The following MLLT3 variants were observed in gnomAD, a reference collection of about 807,000 sequenced individuals.
MLLT3 encodes protein AF-9.
In MLLT3, 4 loss-of-function variants were observed where a neutral mutation model predicts 53.2. That is an observed-to-expected ratio of 0.08 (90% CI 0.04 to 0.17). MLLT3 has a LOEUF of 0.17. MLLT3 is among the 10% of genes least tolerant of loss of function. The pLI, the probability that MLLT3 is intolerant of heterozygous loss-of-function variation, is 1.00. For synonymous variants in MLLT3, 283 were observed against 230.6 expected, an observed-to-expected ratio of 1.23 and a Z score of -2.06; for missense variants, 569 against 684.0, an observed-to-expected ratio of 0.83 and a Z score of 1.87.
chr9:20,574,281 C>A (rs1222035722), intron 2 of MLLT3, among the ~76,000 whole-genome samples: 1 of 152,120 alleles, frequency 6.6e-6, no homozygotes, highest in African/African-American at 2.4e-5. Context: ...AAGAATGAAT[C>A]ATGTTCAAAG....
chr9:20,558,539 G>A (rs1439400030), intron 2 of MLLT3, among the ~76,000 whole-genome samples: 1 of 152,040 alleles, frequency 6.6e-6, no homozygotes, highest in Non-Finnish European at 1.5e-5. Context: ...CACATCCTCA[G>A]CTGCCAAGTT....
intron 8 of MLLT3, among the ~76,000 whole-genome samples, chr9:20,357,817 A>G (rs201350772): frequency 3.3e-5 from 5 of 152,098 alleles, no homozygotes; most frequent in African/African-American, 1.2e-4. Flanking sequence ...ATTCATAGAG[A>G]GAGAACAGGC....
At chr9:20,563,401 G>T (rs951047895) in intron 2 of MLLT3, among the ~76,000 whole-genome samples, 1 of 152,004 alleles carries the variant, frequency 6.6e-6, no homozygotes, top group Non-Finnish European at 1.5e-5. Flanking sequence ...GTAGGGAGGG[G>T]TGTCATATAT....
intron 2 of MLLT3, among the ~76,000 whole-genome samples, chr9:20,607,842 C>T (rs1262920733): frequency 2.0e-5 from 3 of 151,914 alleles, no homozygotes. Context: ...TAAAATTAAC[C>T]TCCTCATTTT....
rs370610465 is a variant in MLLT3, at chr9:20,471,640, A to G, written c.194-14854T>C. Among the ~76,000 whole-genome samples the G allele has an allele frequency of 1.3e-4, 20 of 152,188 alleles. No homozygotes were observed. The East Asian group carries it at 3.1e-3, about 23-fold the overall frequency. ...CAAATTCAATGTAACACATTATTTTATGAGAAACTTGATTTGTAAATGCTA... is the reference window on the plus strand; with the variant it reads ...CAAATTCAATGTAACACATTATTTTGTGAGAAACTTGATTTGTAAATGCTA... On this transcript the variant is annotated intron_variant, in intron 2 of 10. Transcript: ENST00000380338.
At chr9:20,498,529 T>C (rs1308648805) in intron 2 of MLLT3, among the ~76,000 whole-genome samples, 5 of 152,204 alleles carry the variant, frequency 3.3e-5, no homozygotes, top group African/African-American at 4.8e-5. Context: ...TAGATCAAGC[T>C]TGTCCAACCC....
chr9:20,399,442 G>C (rs1822401011), intron 5 of MLLT3, among the ~76,000 whole-genome samples: 1 of 152,104 alleles, frequency 6.6e-6, no homozygotes, highest in Admixed American at 6.6e-5. Flanking sequence ...CCTCAAAATA[G>C]TCCACTGGTC....
chr9:20,466,308 G>T (rs1179158428), intron 2 of MLLT3, among the ~76,000 whole-genome samples: 1 of 152,072 alleles, frequency 6.6e-6, no homozygotes, highest in African/African-American at 2.4e-5. Flanking sequence ...GAGCCATTTT[G>T]GATTTCCGAT....
rs181698684 is a variant in MLLT3 at position 20,383,324 on chromosome 9, T to C, written c.1126-17580A>G. On this transcript the variant is annotated intron_variant, in intron 5 of 10. Coordinates refer to ENST00000380338, the MANE Select transcript of MLLT3 (RefSeq NM_004529.4). ...TTTACTTTTGACATGAACTTTGCAT[T>C]TTAATCTTAATGTCAAATATTTTGA... Among the ~76,000 whole-genome samples, 5 of 152,080 alleles carry C rather than the reference T, an allele frequency of 3.3e-5. No individual in the cohort carries two copies. In the East Asian group the frequency reaches 7.7e-4, roughly 23 times the overall value.
At chr9:20,431,155 T>C (rs1010198211) in intron 4 of MLLT3, among the ~76,000 whole-genome samples, 1 of 152,136 alleles carries the variant, frequency 6.6e-6, no homozygotes, top group Non-Finnish European at 1.5e-5. Flanking sequence ...CAAGGCTAAA[T>C]AGGTGACTGC....
rs1822788015 is a variant in MLLT3 at position 20,413,712 on chromosome 9, A to C, written c.1125+9T>G. 1.3e-6 allele frequency: 2 copies of C among 1,563,308 alleles called. No individual in the cohort carries two copies. The highest frequency in any genetic ancestry group is 1.7e-6 in the Non-Finnish European group (2 of 1,159,812). ...AGGGAAAGGAAGAAAGCCAGTAAGA[A>C]CTACTCACATCAGATTTAGAGGATA... is the stretch of plus-strand genomic sequence containing the variant. On this transcript the variant is annotated intron_variant, in intron 5 of 10. Coordinates refer to ENST00000380338, the MANE Select transcript of MLLT3 (RefSeq NM_004529.4).
intron 2 of MLLT3, among the ~76,000 whole-genome samples, chr9:20,566,042 TTATATATATATTTATATATATATTTGTG>T (rs1819367390): frequency 8.3e-6 from 1 of 120,190 alleles, no homozygotes; most frequent in African/African-American, 2.9e-5. Context: ...ATTTATTTAT[TTATATATATATTTATATATATATTTGTG>T]TATATATATA....
At chr9:20,488,474 T>G (rs943297540) in intron 2 of MLLT3, among the ~76,000 whole-genome samples, 1 of 152,082 alleles carries the variant, frequency 6.6e-6, no homozygotes, top group Admixed American at 6.5e-5. Flanking sequence ...GATTAAAAAT[T>G]TGTTAGTAAT....
chr9:20,505,837 C>T (rs543200536), intron 2 of MLLT3, among the ~76,000 whole-genome samples: 4 of 152,270 alleles, frequency 2.6e-5, no homozygotes, highest in African/African-American at 9.6e-5. Context: ...AGAATATATC[C>T]AAGCATTAAC....
chr9:20,572,028 C>T (rs1316574237), intron 2 of MLLT3, among the ~76,000 whole-genome samples: 1 of 152,146 alleles, frequency 6.6e-6, no homozygotes, highest in African/African-American at 2.4e-5. Flanking sequence ...CTTCTGGGTA[C>T]ATATCCAAAG....
At chr9:20,491,215 T>C (rs1824939118) in intron 2 of MLLT3, among the ~76,000 whole-genome samples, 1 of 152,126 alleles carries the variant, frequency 6.6e-6, no homozygotes, top group Non-Finnish European at 1.5e-5. Context: ...TCAAGAGCAA[T>C]ACTTTGTCAA....
intron 7 of MLLT3, among the ~76,000 whole-genome samples, chr9:20,361,310 C>T (rs1821316025): frequency 6.6e-6 from 1 of 152,204 alleles, no homozygotes; most frequent in Non-Finnish European, 1.5e-5. Context: ...TTCCTTTCCT[C>T]CTCCCTCTCT....
At chr9:20,609,198 T>C (rs555377745) in intron 2 of MLLT3, among the ~76,000 whole-genome samples, 5 of 152,190 alleles carry the variant, frequency 3.3e-5, no homozygotes, top group Non-Finnish European at 5.9e-5. Context: ...CTTTACAGAA[T>C]TGGAATGCTA....
At chr9:20,380,873 T>C (rs1318775715) in intron 5 of MLLT3, among the ~76,000 whole-genome samples, 2 of 151,934 alleles carry the variant, frequency 1.3e-5, no homozygotes, top group Admixed American at 6.6e-5. Context: ...TCTTATAAAC[T>C]AAAAATGCGA....
Sources: allele counts gnomAD v4.1 joint callset (sites outside exome capture counted in the v4.1 genomes callset), GRCh38; gene constraint gnomAD v4.1.1; transcripts MANE v1.5; gene names NCBI Gene and HGNC (gene_info 2026-07-23, HGNC 2026-07-21).